PPARGC1A: variants seen among roughly 807,000 people sequenced by gnomAD.
PPARGC1A encodes the protein PPARG coactivator 1 alpha.
PPARGC1A carries 25 observed loss-of-function variants against 88.7 expected under a neutral mutation model. The observed-to-expected ratio is 0.28, with a 90% confidence interval of 0.21 to 0.39. PPARGC1A has a LOEUF of 0.39. PPARGC1A is among the 10% of genes least tolerant of loss of function. PPARGC1A has a pLI of 1.00. For missense variants in PPARGC1A, 880 were observed against 968.7 expected (o/e 0.91, Z 1.22); for synonymous variants, 363 against 355.6 (o/e 1.02, Z -0.24).
At chr4:24,371,732 G>A in the PPARGC1A span, among the ~76,000 whole-genome samples, 1 of 151,404 alleles carries the variant, frequency 6.6e-6, no homozygotes, top group South Asian at 2.1e-4. Context: ...CCTGAGGTCA[G>A]GAGTTCAAGA....
At chr4:24,077,008 T>G in the PPARGC1A span, among the ~76,000 whole-genome samples, 1 of 152,130 alleles carries the variant, frequency 6.6e-6, no homozygotes, top group African/African-American at 2.4e-5. Context: ...CCCTCCTTTT[T>G]TTGGCTCAAT....
the PPARGC1A span, among the ~76,000 whole-genome samples, chr4:24,127,425 T>C: frequency 6.6e-6 from 1 of 152,138 alleles, no homozygotes; most frequent in Admixed American, 6.6e-5. Flanking sequence ...AAGTATTGTT[T>C]AGAAATATGT....
the PPARGC1A span, among the ~76,000 whole-genome samples, chr4:24,430,255 C>CT: frequency 0.039 from 4,360 of 110,722 alleles, 139 homozygotes; most frequent in South Asian, 0.075. Context: ...TTTTGTATTT[C>CT]TTTTTTTTTT....
the PPARGC1A span, among the ~76,000 whole-genome samples, chr4:24,464,153 C>G: frequency 6.6e-6 from 1 of 152,178 alleles, no homozygotes; most frequent in Non-Finnish European, 1.5e-5. Context: ...TGAACAATTA[C>G]CAAATTGTCA....
chr4:23,885,309 A>T (rs1716683688), intron 1 of PPARGC1A, among the ~76,000 whole-genome samples: 1 of 152,188 alleles, frequency 6.6e-6, no homozygotes, highest in South Asian at 2.1e-4. Context: ...TAACCATAAT[A>T]CAAACTTGAT....
chr4:24,132,550 T>A, the PPARGC1A span, among the ~76,000 whole-genome samples: 6 of 152,190 alleles, frequency 3.9e-5, no homozygotes, highest in Non-Finnish European at 8.8e-5. Flanking sequence ...TCTCTTGATA[T>A]GTGCTTAGGT....
chr4:24,472,570 C>G, the PPARGC1A span, among the ~76,000 whole-genome samples: 1 of 151,996 alleles, frequency 6.6e-6, no homozygotes, highest in African/African-American at 2.4e-5. This position sits in a 1 kb window ranked among gnomAD's most constrained non-coding sequence, Gnocchi z 4.5. Context: ...GAAATTCTCT[C>G]GAAAATAAAA....
At chr4:24,420,866 G>A in the PPARGC1A span, among the ~76,000 whole-genome samples, 5 of 152,234 alleles carry the variant, frequency 3.3e-5, no homozygotes, top group East Asian at 9.7e-4. Context: ...CTGGAGCCTG[G>A]GAAGTCCATG....
chr4:23,917,383 T>G, the PPARGC1A span, among the ~76,000 whole-genome samples: 1 of 151,440 alleles, frequency 6.6e-6, no homozygotes, highest in Non-Finnish European at 1.5e-5. Flanking sequence ...TTTCTTTTTT[T>G]TTTTTTTTTG....
At chr4:23,910,664 T>C in the PPARGC1A span, among the ~76,000 whole-genome samples, 6 of 151,150 alleles carry the variant, frequency 4.0e-5, no homozygotes, top group Non-Finnish European at 8.8e-5. Context: ...GGTCTTGAAC[T>C]GCTGACCTCA....
chr4:23,871,332 C>G (rs1258594560), intron 2 of PPARGC1A, among the ~76,000 whole-genome samples: 1 of 152,166 alleles, frequency 6.6e-6, no homozygotes, highest in South Asian at 2.1e-4. Context: ...ATTAAAGGAG[C>G]TAGACAGTGG....
the PPARGC1A span, among the ~76,000 whole-genome samples, chr4:23,988,729 T>C: frequency 3.3e-5 from 5 of 151,404 alleles, no homozygotes; most frequent in African/African-American, 9.7e-5. Context: ...CGTAAGTTTA[T>C]GTGTTTATAT....
At chr4:24,462,595 T>C in the PPARGC1A span, among the ~76,000 whole-genome samples, 1 of 151,960 alleles carries the variant, frequency 6.6e-6, no homozygotes, top group Non-Finnish European at 1.5e-5. Context: ...CCTCATGGAA[T>C]ACTAATAATA....
the PPARGC1A span, among the ~76,000 whole-genome samples, chr4:24,072,168 T>G: frequency 4.1e-5 from 6 of 147,472 alleles, no homozygotes; most frequent in South Asian, 2.1e-4. Flanking sequence ...ATTTTTATAT[T>G]ATTAAATTAA....
the PPARGC1A span, among the ~76,000 whole-genome samples, chr4:24,290,312 C>G: frequency 1.3e-5 from 2 of 151,850 alleles, no homozygotes; most frequent in Admixed American, 6.6e-5. Flanking sequence ...TTTTGGTGTA[C>G]CCATCACCCG....
chr4:23,798,648 C>G (rs911572102), intron 12 of PPARGC1A, among the ~76,000 whole-genome samples: 2 of 152,098 alleles, frequency 1.3e-5, no homozygotes, highest in Non-Finnish European at 2.9e-5. Context: ...CTATTACATT[C>G]ATAATACTGA....
intron 7 of PPARGC1A, among the ~76,000 whole-genome samples, chr4:23,814,992 A>G (rs1721685433): frequency 2.0e-5 from 3 of 152,178 alleles, no homozygotes; most frequent in Admixed American, 6.5e-5. Flanking sequence ...TAACAAAGTG[A>G]GACTGAGGAA....
the PPARGC1A span, among the ~76,000 whole-genome samples, chr4:24,286,927 T>C: frequency 0.4 from 60,019 of 151,914 alleles, 12,708 homozygotes; most frequent in Non-Finnish European, 0.49. Context: ...CTCTACAGCA[T>C]GGCAACTGGC....
chr4:23,956,043 G>A, the PPARGC1A span, among the ~76,000 whole-genome samples: 1 of 152,066 alleles, frequency 6.6e-6, no homozygotes, highest in Non-Finnish European at 1.5e-5. Flanking sequence ...ACTATTTATG[G>A]ACACCGAAAT....
Sources: allele counts gnomAD v4.1 joint callset (sites outside exome capture counted in the v4.1 genomes callset), GRCh38; gene constraint gnomAD v4.1.1; non-coding constraint Gnocchi (gnomAD v3.1); transcripts MANE v1.5; gene names NCBI Gene and HGNC (gene_info 2026-07-23, HGNC 2026-07-21).